The following RBFOX1 variants were observed in gnomAD, a reference collection of about 807,000 sequenced individuals.
RBFOX1 encodes the protein RNA binding fox-1 homolog 1.
Under a neutral mutation model 57.7 loss-of-function variants are expected in RBFOX1, and 8 were observed. The ratio of observed to expected loss-of-function variants is 0.14; its 90% CI spans 0.08 to 0.25. The LOEUF is 0.25. RBFOX1 is among the 10% of genes least tolerant of loss of function. RBFOX1 has a pLI of 1.00. For missense variants in RBFOX1, 611 were observed against 548.5 expected (o/e 1.11, Z -1.14); for synonymous variants, 326 against 222.4 (o/e 1.47, Z -4.15).
At chr16:7,659,938 C>G (rs1026531904) in intron 12 of RBFOX1, among the ~76,000 whole-genome samples, 10 of 152,100 alleles carry the variant, frequency 6.6e-5, no homozygotes, top group African/African-American at 2.2e-4. Context: ...CACACACACC[C>G]AAATTCTATA....
At chr16:7,075,654 C>A (rs937932428) in intron 4 of RBFOX1, among the ~76,000 whole-genome samples, 3 of 152,110 alleles carry the variant, frequency 2.0e-5, no homozygotes, top group African/African-American at 7.2e-5. Context: ...GATCTTGGCT[C>A]ACTGCAAGGT....
At chr16:6,727,065 A>ACACACACACACAC (rs57762524) in intron 3 of RBFOX1, among the ~76,000 whole-genome samples, 2 of 135,998 alleles carry the variant, frequency 1.5e-5, no homozygotes, top group African/African-American at 5.4e-5. Flanking sequence ...ACACACACAC[A>ACACACACACACAC]GACACAGAGA....
chr16:6,816,950 G>A (rs554749945), intron 3 of RBFOX1, among the ~76,000 whole-genome samples: 10 of 152,082 alleles, frequency 6.6e-5, no homozygotes, highest in African/African-American at 2.4e-4. Flanking sequence ...TCTTAACTGA[G>A]TTGCCCAGGG....
At chr16:6,085,666 G>GTGTGTGTGTA (rs1454954489) in intron 1 of RBFOX1, among the ~76,000 whole-genome samples, 1 of 152,088 alleles carries the variant, frequency 6.6e-6, no homozygotes, top group Non-Finnish European at 1.5e-5. Context: ...GTGTGTGTGT[G>GTGTGTGTGTA]TGTCTGTGTG....
At chr16:5,643,210 G>A (rs933410978) in intron 3 of RBFOX1, among the ~76,000 whole-genome samples, 1 of 152,178 alleles carries the variant, frequency 6.6e-6, no homozygotes, top group African/African-American at 2.4e-5. Context: ...CTTGCCTAAA[G>A]TTACATGGCA....
intron 2 of RBFOX1, among the ~76,000 whole-genome samples, chr16:6,629,950 T>C (rs2098362195): frequency 7.1e-6 from 1 of 140,190 alleles, no homozygotes; most frequent in South Asian, 2.4e-4. Context: ...TTTGGCCTTA[T>C]TTCGGTAGGT....
chr16:5,702,309 C>G (rs1464242691), intron 3 of RBFOX1, among the ~76,000 whole-genome samples: 2 of 152,068 alleles, frequency 1.3e-5, no homozygotes, highest in Non-Finnish European at 2.9e-5. Context: ...GGGGATGTGC[C>G]CCACACTTTT....
At chr16:6,514,104 T>C (rs1032339212) in intron 2 of RBFOX1, among the ~76,000 whole-genome samples, 3 of 152,164 alleles carry the variant, frequency 2.0e-5, no homozygotes, top group Admixed American at 1.3e-4. Flanking sequence ...TTCCCTGTCA[T>C]TAGGTGAACC....
chr16:6,133,374 G>T (rs1208058230), intron 1 of RBFOX1, among the ~76,000 whole-genome samples: 1 of 152,144 alleles, frequency 6.6e-6, no homozygotes, highest in Non-Finnish European at 1.5e-5. Flanking sequence ...TGCCTATCAG[G>T]CATGTGGCTG....
intron 2 of RBFOX1, among the ~76,000 whole-genome samples, chr16:6,476,826 A>G (rs1328584304): frequency 6.6e-6 from 1 of 152,224 alleles, no homozygotes; most frequent in Non-Finnish European, 1.5e-5. Flanking sequence ...TTCTTTCAGA[A>G]TTGGAGTGAA....
intron 3 of RBFOX1, among the ~76,000 whole-genome samples, chr16:5,611,853 T>A (rs1271837907): frequency 7.3e-6 from 1 of 136,554 alleles, no homozygotes; most frequent in Non-Finnish European, 1.5e-5. Context: ...AGCTACTGTG[T>A]GCAGTAGCTC....
At chr16:7,075,071 C>T (rs921374280) in intron 4 of RBFOX1, among the ~76,000 whole-genome samples, 6 of 152,082 alleles carry the variant, frequency 3.9e-5, no homozygotes, top group African/African-American at 1.2e-4. Flanking sequence ...ACGGCAAATT[C>T]GATAGTAGCC....
chr16:6,863,831 A>C (rs544532745), intron 3 of RBFOX1, among the ~76,000 whole-genome samples: 14 of 149,300 alleles, frequency 9.4e-5, no homozygotes, highest in Admixed American at 2.7e-4. Context: ...AAAGGAGCCA[A>C]ATCAGGTAAC....
At chr16:7,210,703 C>T (rs2090957038) in intron 4 of RBFOX1, among the ~76,000 whole-genome samples, 1 of 152,088 alleles carries the variant, frequency 6.6e-6, no homozygotes, top group South Asian at 2.1e-4. Context: ...TAATTTACAA[C>T]ATTGTTGCTC....
intron 4 of RBFOX1, among the ~76,000 whole-genome samples, chr16:7,396,078 G>C (rs1400501470): frequency 1.3e-5 from 2 of 152,170 alleles, no homozygotes; most frequent in South Asian, 4.2e-4. Context: ...GATTCCCCAG[G>C]GTGCTCTCAG....
intron 2 of RBFOX1, among the ~76,000 whole-genome samples, chr16:5,505,922 C>T (rs940307656): frequency 6.6e-6 from 1 of 152,104 alleles, no homozygotes; most frequent in African/African-American, 2.4e-5. Context: ...TCCATCCCTG[C>T]TCAAAATCTC....
chr16:6,259,615 A>G (rs7201725), intron 1 of RBFOX1, among the ~76,000 whole-genome samples: 26,451 of 151,944 alleles, frequency 0.17, 3,857 homozygotes, highest in African/African-American at 0.4. Context: ...GTGCAAGTGG[A>G]TTGGTGACTG....
At chr16:7,343,935 T>C (rs990706558) in intron 4 of RBFOX1, among the ~76,000 whole-genome samples, 1 of 152,072 alleles carries the variant, frequency 6.6e-6, no homozygotes, top group African/African-American at 2.4e-5. Flanking sequence ...TAAATGTATT[T>C]ACAAGTTTAT....
chr16:6,443,118 C>G (rs1438669643), intron 2 of RBFOX1, among the ~76,000 whole-genome samples: 1 of 152,144 alleles, frequency 6.6e-6, no homozygotes, highest in East Asian at 1.9e-4. Context: ...TTTCCCTGAA[C>G]ACCTACTGCC....
Sources: gnomAD v4.1 joint callset for allele counts (sites outside exome capture counted in the v4.1 genomes callset) on GRCh38, gnomAD v4.1.1 for gene constraint, MANE v1.5 for transcripts, NCBI Gene and HGNC (gene_info 2026-07-23, HGNC 2026-07-21) for gene names.